TRAPPC9: variants seen among roughly 807,000 people sequenced by gnomAD.
The protein encoded by TRAPPC9 is IKK2 binding protein.
TRAPPC9 carries 83 observed loss-of-function variants against 124.0 expected under a neutral mutation model. The ratio of observed to expected loss-of-function variants is 0.67; its 90% CI spans 0.56 to 0.80. TRAPPC9 has a LOEUF of 0.80. Ranked by LOEUF, TRAPPC9 falls within the 30% of genes least tolerant of loss-of-function variation. The pLI is 0.00. For missense variants in TRAPPC9, 1,302 were observed against 1,508.3 expected (o/e 0.86, Z 2.27); for synonymous variants, 638 against 617.5 (o/e 1.03, Z -0.49).
At chr8:140,458,175 AGGAG>A (rs1011462441), upstream of TRAPPC9, 2 of 1,532,416 alleles carry the variant, frequency 1.3e-6, no homozygotes, top group Non-Finnish European at 1.8e-6. Flanking sequence ...AGATGGAGCG[AGGAG>A]GGAGGGAGGG....
intron 17 of TRAPPC9, among the ~76,000 whole-genome samples, chr8:140,184,158 G>C (rs13275925): frequency 6.6e-6 from 1 of 151,940 alleles, no homozygotes; most frequent in Admixed American, 6.6e-5. Context: ...CACAGAAACA[G>C]GGCAGACATA....
intron 9 of TRAPPC9, among the ~76,000 whole-genome samples, chr8:140,337,579 G>A (rs924384119): frequency 2.6e-5 from 4 of 152,154 alleles, no homozygotes; most frequent in Non-Finnish European, 4.4e-5. Flanking sequence ...GAGAACAAAC[G>A]GACTGCGACT....
chr8:140,010,010 T>G (rs1302083010), intron 18 of TRAPPC9, among the ~76,000 whole-genome samples: 1 of 152,226 alleles, frequency 6.6e-6, no homozygotes, highest in Non-Finnish European at 1.5e-5. Flanking sequence ...TTCACTGTAC[T>G]CTATACCAAG....
At chr8:140,317,269 G>C (rs1482347336) in intron 9 of TRAPPC9, among the ~76,000 whole-genome samples, 1 of 151,828 alleles carries the variant, frequency 6.6e-6, no homozygotes, top group African/African-American at 2.4e-5. Context: ...GTCTGTTCTT[G>C]TTTTTCTAAT....
intron 21 of TRAPPC9, among the ~76,000 whole-genome samples, chr8:139,851,237 CA>C (rs1827429338): frequency 6.6e-6 from 1 of 152,200 alleles, no homozygotes; most frequent in Non-Finnish European, 1.5e-5. Flanking sequence ...ATATCAGGGT[CA>C]GGGAACAGCA....
At chr8:140,078,074 A>T (rs1202720121) in intron 17 of TRAPPC9, among the ~76,000 whole-genome samples, 1 of 152,246 alleles carries the variant, frequency 6.6e-6, no homozygotes, top group Non-Finnish European at 1.5e-5. Context: ...GTTCATCTCC[A>T]TTTAACTGGA....
At chr8:140,451,428 G>A in intron 1 of TRAPPC9, 45 bp from the exon 2 acceptor site, 2 of 1,520,378 alleles carry the variant, frequency 1.3e-6, no homozygotes, top group East Asian at 2.3e-5. Flanking sequence ...AGAGTCCTGA[G>A]TGCTGAGAGC....
intron 21 of TRAPPC9, among the ~76,000 whole-genome samples, chr8:139,844,779 G>C (rs1393290608): frequency 4.6e-5 from 7 of 152,202 alleles, no homozygotes; most frequent in South Asian, 4.1e-4. Flanking sequence ...TCATTCACCA[G>C]CTAAGCAAGG....
intron 2 of TRAPPC9, among the ~76,000 whole-genome samples, chr8:140,443,252 G>A (rs1037974887): frequency 8.9e-5 from 13 of 146,632 alleles, no homozygotes; most frequent in Admixed American, 4.8e-4. Flanking sequence ...TGGCTAACAT[G>A]ATGAAACCCC....
chr8:140,021,606 A>G (rs73355375), intron 18 of TRAPPC9, among the ~76,000 whole-genome samples: 1,792 of 152,304 alleles, frequency 0.012, 32 homozygotes, highest in African/African-American at 0.041. Flanking sequence ...GGATGAGCTT[A>G]TATCAGGGTA....
intron 7 of TRAPPC9, among the ~76,000 whole-genome samples, chr8:140,383,533 C>G (rs776674930): frequency 7.2e-5 from 11 of 152,122 alleles, no homozygotes; most frequent in African/African-American, 2.7e-4. Flanking sequence ...CTTCAGTAGC[C>G]GATTCGATCA....
chr8:140,305,553 C>T (rs2066107470), intron 10 of TRAPPC9, among the ~76,000 whole-genome samples: 2 of 152,198 alleles, frequency 1.3e-5, no homozygotes, highest in African/African-American at 2.4e-5. Context: ...CCCCCTGCCT[C>T]GGCCTCCCAA....
chr8:139,826,937 C>G (rs773917911), intron 21 of TRAPPC9, among the ~76,000 whole-genome samples: 1 of 152,164 alleles, frequency 6.6e-6, no homozygotes, highest in Non-Finnish European at 1.5e-5. Flanking sequence ...GAGAATGGAA[C>G]ATACATGTCT....
intron 17 of TRAPPC9, among the ~76,000 whole-genome samples, chr8:140,122,307 C>T (rs1265154083): frequency 6.6e-6 from 1 of 152,194 alleles, no homozygotes; most frequent in Admixed American, 6.5e-5. Flanking sequence ...TGGCCAACAC[C>T]TTGACTTCAG....
intron 10 of TRAPPC9, among the ~76,000 whole-genome samples, chr8:140,310,141 CA>C (rs1359640834): frequency 2.0e-5 from 3 of 152,216 alleles, no homozygotes; most frequent in Non-Finnish European, 4.4e-5. Flanking sequence ...GCACCATACA[CA>C]TGCTTTTACA....
chr8:140,209,778 G>A (rs1442665077), intron 17 of TRAPPC9, among the ~76,000 whole-genome samples: 2 of 152,190 alleles, frequency 1.3e-5, no homozygotes, highest in Middle Eastern at 3.2e-3. Context: ...ATAGGCTAAA[G>A]GGTTTATACT....
intron 21 of TRAPPC9, among the ~76,000 whole-genome samples, chr8:139,804,375 A>T (rs1823839715): frequency 1.9e-5 from 2 of 106,154 alleles, no homozygotes; most frequent in Admixed American, 2.0e-4. Flanking sequence ...ACCACTCACC[A>T]CCACCACCAA....
intron 21 of TRAPPC9, among the ~76,000 whole-genome samples, chr8:139,811,434 G>A (rs1824438248): frequency 6.6e-6 from 1 of 152,240 alleles, no homozygotes; most frequent in African/African-American, 2.4e-5. Context: ...TGATGCCTGT[G>A]TTTGTTTTCA....
At chr8:140,239,198 G>A (rs371884403) in intron 16 of TRAPPC9, among the ~76,000 whole-genome samples, 2 of 152,176 alleles carry the variant, frequency 1.3e-5, no homozygotes, top group African/African-American at 4.8e-5. Context: ...CCTCCACCCA[G>A]ACGCACCACC....
Sources: gnomAD v4.1 joint callset for allele counts (sites outside exome capture counted in the v4.1 genomes callset) on GRCh38, gnomAD v4.1.1 for gene constraint, MANE v1.5 for transcripts, NCBI Gene and HGNC (gene_info 2026-07-23, HGNC 2026-07-21) for gene names.